TM9SF4: variants seen among roughly 807,000 people sequenced by gnomAD.
The protein encoded by TM9SF4 is transmembrane 9 superfamily member 4, also known as dinucleotide oxidase disulfide thiol exchanger 3 superfamily member 4.
Under a neutral mutation model 90.4 loss-of-function variants are expected in TM9SF4, and 26 were observed. The observed-to-expected ratio is 0.29, with a 90% CI of 0.21 to 0.40. The LOEUF is 0.40. Ranked by LOEUF, TM9SF4 falls within the 10% of genes least tolerant of loss-of-function variation. The probability of loss-of-function intolerance (pLI) is 1.00; values close to 1 mark genes in which losing one functional copy is unlikely to be tolerated. For missense variants in TM9SF4, 549 were observed against 834.8 expected, an observed-to-expected ratio of 0.66 and a Z score of 4.22; for synonymous variants, 293 against 315.4, an observed-to-expected ratio of 0.93 and a Z score of 0.75.
intron 1 of TM9SF4, among the ~76,000 whole-genome samples, chr20:32,129,415 C>T (rs1353370930): frequency 1.3e-5 from 2 of 151,976 alleles, no homozygotes; most frequent in African/African-American, 4.8e-5. Context: ...ATCTCTTGAG[C>T]CCAAGAGGTT....
At chr20:32,154,021 G>A (rs528604094) in intron 12 of TM9SF4, among the ~76,000 whole-genome samples, 31 of 152,282 alleles carry the variant, frequency 2.0e-4, no homozygotes, top group Non-Finnish European at 4.1e-4. Context: ...CCAGACTTGC[G>A]TGAGGATTAG....
At chr20:32,120,288 G>A (rs76023582) in intron 1 of TM9SF4, among the ~76,000 whole-genome samples, 1,918 of 151,624 alleles carry the variant, frequency 0.013, 45 homozygotes, top group African/African-American at 0.044. Context: ...GAATATCTCC[G>A]CAATTACCTT....
intron 1 of TM9SF4, among the ~76,000 whole-genome samples, chr20:32,117,272 A>G (rs2046241046): frequency 6.6e-6 from 1 of 151,928 alleles, no homozygotes; most frequent in African/African-American, 2.4e-5. Flanking sequence ...AAAGAAAAAG[A>G]AGAATCTAGT....
rs376315077 is a variant in TM9SF4 at position 32,149,627 on chromosome 20, G to A, written c.955-7G>A. 3.1e-5 allele frequency: 50 copies of A among 1,613,992 alleles called. No individual in the cohort carries two copies. Among genetic ancestry groups the A allele is most frequent in the Non-Finnish European group, 4.1e-5 (48 of 1,180,032 alleles). On this transcript the variant is annotated splice_polypyrimidine_tract_variant and splice_region_variant and intron_variant, in intron 9 of 17. Coordinates refer to ENST00000398022, the MANE Select transcript of TM9SF4 (RefSeq NM_014742.4). ...ACAACCAGCCTCACTCTGGCCCTTC[G>A]CTGCAGGAAGACACCATGGAGGAGT...
chr20:32,130,571 G>A (rs565063936), intron 1 of TM9SF4, among the ~76,000 whole-genome samples: 1 of 152,334 alleles, frequency 6.6e-6, no homozygotes, highest in African/African-American at 2.4e-5. Flanking sequence ...GTCAGGTGGA[G>A]GAGGTCCTCT....
chr20:32,137,015 C>T (rs1440843258), intron 3 of TM9SF4: 2 of 466,058 alleles, frequency 4.3e-6, no homozygotes, highest in African/African-American at 2.0e-5. Context: ...GGGTCCTGGA[C>T]CAGTTGGAGG....
intron 3 of TM9SF4, among the ~76,000 whole-genome samples, chr20:32,140,582 G>A (rs993328318): frequency 6.6e-6 from 1 of 152,222 alleles, no homozygotes; most frequent in African/African-American, 2.4e-5. Flanking sequence ...CCTACTCTGT[G>A]CCTGCTACTT....
At chr20:32,122,128 C>T (rs1395069809) in intron 1 of TM9SF4, among the ~76,000 whole-genome samples, 12 of 142,014 alleles carry the variant, frequency 8.4e-5, no homozygotes, top group African/African-American at 1.6e-4. Context: ...CCTCACCTCC[C>T]AGACGGGGCA....
At chr20:32,119,510 C>T (rs2046274654) in intron 1 of TM9SF4, among the ~76,000 whole-genome samples, 1 of 150,660 alleles carries the variant, frequency 6.6e-6, no homozygotes, top group African/African-American at 2.4e-5. Flanking sequence ...ATCTCTTGTC[C>T]ATTTTTAAAT....
rs561060047 is a variant in TM9SF4, at chr20:32,158,630, C to T, written c.1569+116C>T. 221 of 1,000,826 alleles carry T rather than the reference C, an allele frequency of 2.2e-4. No individual in the cohort carries two copies. In the African/African-American group the frequency reaches 2.3e-3, roughly 10 times the overall value. 62.0% of individuals were successfully genotyped at this position (1,000,826 alleles called of 1,614,324 possible). On this transcript the variant is annotated intron_variant, in intron 15 of 17. Coordinates refer to ENST00000398022, the MANE Select transcript of TM9SF4 (RefSeq NM_014742.4). ...AGTTCAGATGGGCCACTTCACCTCT[C>T]GGAGCCCCATTCTTCACCCTGAAAT...
intron 9 of TM9SF4, among the ~76,000 whole-genome samples, chr20:32,148,330 T>G (rs1328461133): frequency 6.6e-6 from 1 of 152,186 alleles, no homozygotes; most frequent in Non-Finnish European, 1.5e-5. Flanking sequence ...TACTAATTGT[T>G]GGTAAGGTTA....
At chr20:32,113,600 AAACT>A (rs3830845) in intron 1 of TM9SF4, among the ~76,000 whole-genome samples, 63,855 of 151,634 alleles carry the variant, frequency 0.42, 13,747 homozygotes, top group East Asian at 0.74. Context: ...TTGGAGAATA[AAACT>A]CTACTTCCCT....
At chr20:32,132,108 A>C (rs1427336410) in intron 1 of TM9SF4, among the ~76,000 whole-genome samples, 1 of 152,176 alleles carries the variant, frequency 6.6e-6, no homozygotes, top group Non-Finnish European at 1.5e-5. Flanking sequence ...CCTGAATGAA[A>C]TAAGGAGATG....
At chr20:32,135,853 A>G (rs1450894858) in intron 2 of TM9SF4, among the ~76,000 whole-genome samples, 1 of 152,214 alleles carries the variant, frequency 6.6e-6, no homozygotes, top group Non-Finnish European at 1.5e-5. Flanking sequence ...GACTCTCACA[A>G]TGTATTGAAT....
In TM9SF4 at chr20:32,136,721, T is replaced by A. The variant is rs527595834; in HGVS notation, c.229+548T>A. On this transcript the variant is annotated intron_variant, in intron 3 of 17. Coordinates refer to ENST00000398022, the MANE Select transcript of TM9SF4 (RefSeq NM_014742.4). ...AGCCATTTTATTCTAATTTAAATAA[T>A]TCTCCATTTGACAGAATTTCAGGTG... Among the ~76,000 whole-genome samples, 6 of 152,346 alleles carry A rather than the reference T, an allele frequency of 3.9e-5. No individual in the cohort carries two copies. The East Asian group carries it at 1.2e-3, about 29-fold the overall frequency.
intron 12 of TM9SF4, among the ~76,000 whole-genome samples, chr20:32,151,409 C>T (rs1283549645): frequency 6.6e-6 from 1 of 151,016 alleles, no homozygotes; most frequent in African/African-American, 2.4e-5. Context: ...ATTGACCTCA[C>T]CTCCCAGGGA....
chr20:32,152,872 G>A (rs1305743626), intron 12 of TM9SF4, among the ~76,000 whole-genome samples: 1 of 152,222 alleles, frequency 6.6e-6, no homozygotes, highest in Non-Finnish European at 1.5e-5. Flanking sequence ...GGGCAGGTGT[G>A]TTGTTCTCTA....
In TM9SF4 at chr20:32,137,003, G is replaced by A. The variant is rs752473208; in HGVS notation, c.229+830G>A. ...ACAAATTTATCTACTGCCAGGTATT[G>A]GGGGTCCTGGACCAGTTGGAGGCAG... On this transcript the variant is annotated intron_variant, in intron 3 of 17. Coordinates refer to ENST00000398022, the MANE Select transcript of TM9SF4 (RefSeq NM_014742.4). 4.5e-5 allele frequency: 21 copies of A among 467,702 alleles called. 2 individuals are homozygous for A. Among genetic ancestry groups the A allele is most frequent in the South Asian group, 3.3e-4 (21 of 64,566 alleles). 29.0% of individuals were successfully genotyped at this position (467,702 alleles called of 1,614,324 possible).
intron 12 of TM9SF4, among the ~76,000 whole-genome samples, chr20:32,151,869 GT>G (rs999123409): frequency 1.1e-3 from 149 of 141,170 alleles, no homozygotes; most frequent in Middle Eastern, 3.6e-3. Context: ...TTGTTTTTTT[GT>G]TTTTTTTTTT....
Sources: allele counts gnomAD v4.1 joint callset (sites outside exome capture counted in the v4.1 genomes callset), GRCh38; gene constraint gnomAD v4.1.1; transcripts MANE v1.5; gene names NCBI Gene and HGNC (gene_info 2026-07-23, HGNC 2026-07-21).